PSTPIP2: variants seen among roughly 807,000 people sequenced by gnomAD.
The protein encoded by PSTPIP2 is proline-serine-threonine phosphatase interacting protein 2.
A neutral mutation model predicts 63.3 loss-of-function variants in PSTPIP2; 33 were observed. The observed-to-expected ratio is 0.52, with a 90% CI of 0.40 to 0.70. The LOEUF is 0.70. Among genes scored for constraint, PSTPIP2 ranks in the 30% least tolerant of loss-of-function variants. The probability of loss-of-function intolerance (pLI) is 0.00; values close to 1 mark genes in which losing one functional copy is unlikely to be tolerated. For synonymous variants in PSTPIP2, 125 were observed against 132.7 expected (o/e 0.94, Z 0.40); for missense variants, 312 against 400.7 (o/e 0.78, Z 1.89).
chr18:46,060,231 T>C (rs569146054), intron 1 of PSTPIP2, among the ~76,000 whole-genome samples: 2 of 152,312 alleles, frequency 1.3e-5, no homozygotes, highest in Non-Finnish European at 2.9e-5. Context: ...GGGACTCTAT[T>C]TCACTATGGT....
intron 3 of PSTPIP2, among the ~76,000 whole-genome samples, chr18:46,020,210 T>C (rs1907293782): frequency 6.6e-6 from 1 of 152,170 alleles, no homozygotes; most frequent in South Asian, 2.1e-4. Context: ...CCCTCTCTTC[T>C]CCACAGTGTT....
intron 1 of PSTPIP2, among the ~76,000 whole-genome samples, chr18:46,057,860 T>C (rs1486040898): frequency 6.6e-6 from 1 of 151,238 alleles, no homozygotes; most frequent in Admixed American, 6.6e-5. Context: ...TAGCCGGGCG[T>C]GGTGGCGGGC....
At chr18:46,051,622 T>G (rs1487052376) in intron 1 of PSTPIP2, among the ~76,000 whole-genome samples, 1 of 152,230 alleles carries the variant, frequency 6.6e-6, no homozygotes, top group East Asian at 1.9e-4. Context: ...GTTCAGAAAG[T>G]TGGTTAATGT....
intron 2 of PSTPIP2, chr18:46,029,825 GC>G: frequency 2.2e-6 from 1 of 448,938 alleles, no homozygotes. Context: ...AATGAAAAGG[GC>G]AAGGCCGGCT....
chr18:45,993,116 A>G (rs2051556209), intron 10 of PSTPIP2, among the ~76,000 whole-genome samples: 1 of 152,012 alleles, frequency 6.6e-6, no homozygotes, highest in Non-Finnish European at 1.5e-5. Flanking sequence ...TTTTTTTGAG[A>G]TGGAGTCTCA....
intron 6 of PSTPIP2, among the ~76,000 whole-genome samples, chr18:46,002,877 T>A (rs1412137551): frequency 1.3e-5 from 2 of 152,254 alleles, no homozygotes; most frequent in Non-Finnish European, 2.9e-5. Context: ...AACATCTCTG[T>A]TATCTAGATC....
At chr18:46,058,872 C>T (rs1167322051) in intron 1 of PSTPIP2, among the ~76,000 whole-genome samples, 11 of 152,156 alleles carry the variant, frequency 7.2e-5, no homozygotes, top group Non-Finnish European at 1.5e-5. Context: ...TGGCCAGGAC[C>T]TAGGACCCTG....
At chr18:46,065,144 C>CAAAAAAAAAAAAAAA (rs35144990) in intron 1 of PSTPIP2, among the ~76,000 whole-genome samples, 42 of 80,680 alleles carry the variant, frequency 5.2e-4, no homozygotes, top group East Asian at 1.6e-3. Context: ...AACTCTGTCT[C>CAAAAAAAAAAAAAAA]AAAAAAAAAA....
Position 45,984,243 on chromosome 18 carries a change from CTATT to C in PSTPIP2, c.*1212_*1215del, listed in dbSNP as rs1167710711. On this transcript the variant is annotated 3_prime_UTR_variant, in exon 15 of 15. Transcript: ENST00000409746. ...CTACTGCACAGAGCAGGAGAGGAAA[CTATT>C]TGCTCTCTGTAATACTGAAAAACTG... is the stretch of plus-strand genomic sequence containing the variant. The C allele has an allele frequency of 6.6e-6, 1 of 152,180 alleles. No individual in the cohort carries two copies. The highest frequency in any genetic ancestry group is 6.5e-5 in the Admixed American group (1 of 15,276). The allele number at this position is 152,180 out of a possible 1,614,324, so 9.4% of individuals were successfully genotyped here.
At chr18:45,998,717 C>T (rs775947682) in intron 8 of PSTPIP2, 77 bp downstream of exon 8, 5 of 1,463,680 alleles carry the variant, frequency 3.4e-6, no homozygotes, top group Non-Finnish European at 4.7e-6. Flanking sequence ...TATAAAACTC[C>T]CTTTCTCAGG....
intron 5 of PSTPIP2, among the ~76,000 whole-genome samples, chr18:46,007,734 T>G (rs2051744420): frequency 6.6e-6 from 1 of 152,180 alleles, no homozygotes. Flanking sequence ...TTCAAACACC[T>G]CTCAGGTGGC....
rs532887724 is a variant in PSTPIP2 at position 45,986,012 on chromosome 18, G to A, written c.*9-562C>T. 3.4e-3 allele frequency among the ~76,000 whole-genome samples: 515 copies of A among 152,148 alleles called. 2 individuals carry two copies. Among genetic ancestry groups the A allele is most frequent in the South Asian group, 0.012 (57 of 4,818 alleles). ...GGCTGGTCTCAAACTCCTGACCTCA[G>A]GTGATCCGCCCGCCTTGGCCTCCCA... On this transcript the variant is annotated intron_variant, in intron 14 of 14. Coordinates refer to ENST00000409746, the MANE Select transcript of PSTPIP2 (RefSeq NM_024430.4).
intron 9 of PSTPIP2, among the ~76,000 whole-genome samples, chr18:45,997,169 A>G (rs1722583704): frequency 6.6e-6 from 1 of 152,036 alleles, no homozygotes. Context: ...TTCTTCACTT[A>G]AATTTCTGAT....
intron 1 of PSTPIP2, among the ~76,000 whole-genome samples, chr18:46,042,417 C>A (rs1167434109): frequency 6.6e-6 from 1 of 152,154 alleles, no homozygotes; most frequent in Non-Finnish European, 1.5e-5. Flanking sequence ...CTCTGAGTAG[C>A]CCCAATTCTC....
chr18:46,036,270 AATT>A (rs1242165041), intron 2 of PSTPIP2, among the ~76,000 whole-genome samples: 9 of 151,648 alleles, frequency 5.9e-5, no homozygotes, highest in Admixed American at 2.7e-4. Flanking sequence ...AATTGTTAAC[AATT>A]ATTAATTATT....
chr18:46,006,502 TCACTGGGATTGCAGGCACCCGC>T (rs1394921061), intron 5 of PSTPIP2, among the ~76,000 whole-genome samples: 2 of 150,636 alleles, frequency 1.3e-5, no homozygotes, highest in Non-Finnish European at 2.9e-5. Context: ...GCCTCCCAAG[TCACTGGGATTGCAGGCACCCGC>T]CACCACGCCC....
At chr18:46,028,701 GA>G in intron 2 of PSTPIP2, 3 of 879,026 alleles carry the variant, frequency 3.4e-6, no homozygotes, top group Non-Finnish European at 5.8e-6. Context: ...AGATAATGAT[GA>G]AAAATGCTAG....
intron 6 of PSTPIP2, among the ~76,000 whole-genome samples, chr18:46,001,789 T>C (rs943181008): frequency 5.9e-5 from 9 of 152,282 alleles, no homozygotes; most frequent in Admixed American, 1.3e-4. Flanking sequence ...TATATACTTA[T>C]GGGGTATATG....
Position 45,993,617 on chromosome 18 carries a change from G to A in PSTPIP2, c.729C>T (p.Val243=). 2 of 1,613,652 alleles carry A rather than the reference G, an allele frequency of 1.2e-6. No individual in the cohort carries two copies. The highest frequency in any genetic ancestry group is 1.6e-4 in the Middle Eastern group (1 of 6,062). ...LHVNQLSQQC[V]TSDEMYEQVR... is the part of the protein sequence containing the mutation. Reference sequence around the variant, plus strand: ...GCCTCTGACTTACTTCATCACTGGTGACACATTGTTGTGACAGCTGATTCA... The same window carrying A: ...GCCTCTGACTTACTTCATCACTGGTAACACATTGTTGTGACAGCTGATTCA... The change falls in exon 10 of 15, where the codon GTC becomes GTT. Residue 243 remains valine, a synonymous_variant. Coordinates refer to ENST00000409746, the MANE Select transcript of PSTPIP2 (RefSeq NM_024430.4).
Sources: gnomAD v4.1 joint callset for allele counts (sites outside exome capture counted in the v4.1 genomes callset) on GRCh38, gnomAD v4.1.1 for gene constraint, MANE v1.5 for transcripts, NCBI Gene and HGNC (gene_info 2026-07-23, HGNC 2026-07-21) for gene names.